Variants in SLC17A1 observed in about 807,000 individuals in gnomAD.
SLC17A1 encodes the protein solute carrier family 17 member 1, also known as sodium-dependent phosphate transport protein 1.
In SLC17A1, 51 loss-of-function variants were observed where a neutral mutation model predicts 53.5. The observed-to-expected ratio is 0.95, with a 90% CI of 0.76 to 1.20. The LOEUF (loss-of-function observed/expected upper bound fraction) is 1.20. SLC17A1 is among the 50% of genes most tolerant of loss of function. SLC17A1 has a pLI of 0.00. For synonymous variants in SLC17A1, 179 were observed against 198.8 expected (o/e 0.90, Z 0.84); for missense variants, 538 against 568.2 (o/e 0.95, Z 0.54).
the SLC17A1 span, among the ~76,000 whole-genome samples, chr6:25,752,780 GT>G: frequency 6.6e-6 from 1 of 151,974 alleles, no homozygotes; most frequent in East Asian, 1.9e-4. Flanking sequence ...GTGAAACCCC[GT>G]CTCTACTAAA....
chr6:25,811,301 C>A, intron 10 of SLC17A1, 97 bp downstream of exon 10: 1 of 1,334,618 alleles, frequency 7.5e-7, no homozygotes, highest in Non-Finnish European at 1.0e-6. Flanking sequence ...AGCCATTCCA[C>A]AAAGTATCCA....
the SLC17A1 span, among the ~76,000 whole-genome samples, chr6:25,756,409 G>A: frequency 6.6e-6 from 1 of 152,170 alleles, no homozygotes; most frequent in African/African-American, 2.4e-5. Flanking sequence ...ACTAGGCAGA[G>A]TGCTTGCCCT....
chr6:25,807,520 T>G (rs529886904), intron 10 of SLC17A1, among the ~76,000 whole-genome samples: 1 of 152,084 alleles, frequency 6.6e-6, no homozygotes, highest in African/African-American at 2.4e-5. Context: ...CAGGGATACA[T>G]TCTTTAGTGA....
chr6:25,767,856 T>G, the SLC17A1 span, among the ~76,000 whole-genome samples: 4 of 152,224 alleles, frequency 2.6e-5, no homozygotes, highest in South Asian at 4.1e-4. Flanking sequence ...TAATTTGTCT[T>G]TCTTTATTGA....
chr6:25,729,231 A>G, the SLC17A1 span, among the ~76,000 whole-genome samples: 1 of 152,226 alleles, frequency 6.6e-6, no homozygotes, highest in African/African-American at 2.4e-5. Flanking sequence ...GCTGCAAATA[A>G]TAGGAAATGC....
chr6:25,811,714 T>G lies in SLC17A1; in HGVS notation c.954A>C (p.Ala318=). Residue 318 remains alanine, a synonymous_variant, in exon 9 of 13, where the codon GCA becomes GCC. Coordinates refer to ENST00000244527, the MANE Select transcript of SLC17A1 (RefSeq NM_005074.5). ...TCAGGAAGAAGTCTGATAACTGACC[T>G]GCTAGGTTACCACAGATCCAGGCAA... ...YLFAWICGNL[A]GQLSDFFLTR... 1 of 1,613,830 alleles carries G rather than the reference T, an allele frequency of 6.2e-7. No homozygotes were observed.
chr6:25,799,791 C>A (rs1763700541), intron 11 of SLC17A1, among the ~76,000 whole-genome samples: 1 of 152,186 alleles, frequency 6.6e-6, no homozygotes, highest in Non-Finnish European at 1.5e-5. Flanking sequence ...GCTCTGCACA[C>A]CTGAGTGAAC....
chr6:25,778,983 C>A (rs139548458), downstream of SLC17A1: 3 of 1,585,310 alleles, frequency 1.9e-6, no homozygotes, highest in Admixed American at 3.4e-5. Context: ...GGACACAGAG[C>A]CAAAGCCTTT....
Position 25,815,485 on chromosome 6 carries a change from T to C in SLC17A1, c.617-2272A>G, listed in dbSNP as rs117384530. On this transcript the variant is annotated intron_variant, in intron 6 of 12. Coordinates refer to ENST00000244527, the MANE Select transcript of SLC17A1 (RefSeq NM_005074.5). ...TGTTTTCTGAGACGAATTACTATTT[T>C]TTAAAGCTTTCTCTTCTTTTCCCCT... is the stretch of plus-strand genomic sequence containing the variant. Among the ~76,000 whole-genome samples the C allele has an allele frequency of 3.4e-4, 52 of 152,292 alleles. No homozygotes were observed. In the East Asian group the frequency reaches 9.8e-3, roughly 29 times the overall value.
downstream of SLC17A1, chr6:25,779,211 T>C (rs1168121254): frequency 6.2e-7 from 1 of 1,611,828 alleles, no homozygotes; most frequent in Non-Finnish European, 8.5e-7. Flanking sequence ...ATGTGCTAGA[T>C]CCTGGTGCTT....
chr6:25,769,145 C>T, the SLC17A1 span: 1 of 1,614,072 alleles, frequency 6.2e-7, no homozygotes, highest in South Asian at 1.1e-5. Context: ...CCTCCACTGA[C>T]TCCCAGGGCT....
the SLC17A1 span, chr6:25,776,539 G>A: frequency 1.9e-6 from 3 of 1,541,836 alleles, no homozygotes; most frequent in African/African-American, 4.1e-5. Flanking sequence ...AAGGTTGTCT[G>A]TGTCGTGGTG....
intron 12 of SLC17A1, among the ~76,000 whole-genome samples, chr6:25,784,118 T>A (rs1266457583): frequency 6.6e-6 from 1 of 152,202 alleles, no homozygotes; most frequent in Non-Finnish European, 1.5e-5. Context: ...TATTAAAACA[T>A]GGCGTCCATA....
the SLC17A1 span, chr6:25,727,311 A>C: frequency 6.4e-7 from 1 of 1,560,840 alleles, no homozygotes; most frequent in Non-Finnish European, 8.7e-7. Flanking sequence ...AGTAAACGTC[A>C]TTTCTAACCC....
the SLC17A1 span, chr6:25,768,337 G>T: frequency 2.0e-6 from 2 of 982,612 alleles, no homozygotes; most frequent in Non-Finnish European, 2.4e-6. Context: ...TCTCTACAGG[G>T]ATAGTGGATG....
At chr6:25,776,306 G>A in the SLC17A1 span, among the ~76,000 whole-genome samples, 1 of 151,110 alleles carries the variant, frequency 6.6e-6, no homozygotes, top group Non-Finnish European at 1.5e-5. Context: ...TTTTTAAATT[G>A]TCTGTTATTA....
At chr6:25,828,830 T>C (rs888987649) in intron 2 of SLC17A1, among the ~76,000 whole-genome samples, 1 of 152,126 alleles carries the variant, frequency 6.6e-6, no homozygotes, top group Middle Eastern at 3.2e-3. Context: ...TAAATTATAA[T>C]ATATCCATCC....
rs1764747340 is a variant in SLC17A1, at chr6:25,826,514, C to A, written c.154G>T (p.Asp52Tyr). The A allele has an allele frequency of 6.2e-7, 1 of 1,612,144 alleles. No individual in the cohort carries two copies. Among genetic ancestry groups the A allele is most frequent in the Non-Finnish European group, 8.5e-7 (1 of 1,178,850 alleles). ...LTMVVMVNST[D>Y]PHGLPNTSTK... ...GAGGTGTTGGGCAAACCATGTGGATCTGTGCTATTCACCATGACTACCATT... is the reference window on the plus strand; with the variant it reads ...GAGGTGTTGGGCAAACCATGTGGATATGTGCTATTCACCATGACTACCATT... Residue 52 changes from aspartate (D) to tyrosine (Y), a missense_variant, in exon 3 of 13, where the codon GAT (aspartate) becomes TAT (tyrosine). Transcript: ENST00000244527.
the SLC17A1 span, chr6:25,773,748 G>A: frequency 5.5e-5 from 83 of 1,508,352 alleles, no homozygotes; most frequent in African/African-American, 1.0e-3. Context: ...ATAATCCTCT[G>A]TCTGTCCCAT....
Sources: gnomAD v4.1 joint callset for allele counts (sites outside exome capture counted in the v4.1 genomes callset) on GRCh38, gnomAD v4.1.1 for gene constraint, MANE v1.5 for transcripts, NCBI Gene and HGNC (gene_info 2026-07-23, HGNC 2026-07-21) for gene names.